Variants in PRRC1 observed in about 807,000 individuals in gnomAD.
PRRC1 encodes the protein protein PRRC1.
In PRRC1, 39 loss-of-function variants were observed where a neutral mutation model predicts 40.7. The ratio of observed to expected loss-of-function variants is 0.96; its 90% CI spans 0.74 to 1.25. The LOEUF (loss-of-function observed/expected upper bound fraction) is 1.25. Among genes scored for constraint, PRRC1 ranks in the 50% most tolerant of loss-of-function variants. The pLI is 0.00. For missense variants in PRRC1, 573 were observed against 548.3 expected (o/e 1.05, Z -0.45); for synonymous variants, 175 against 193.3 (o/e 0.91, Z 0.79).
chr5:127,523,097 A>G (rs937310609), intron 1 of PRRC1, among the ~76,000 whole-genome samples: 2 of 152,156 alleles, frequency 1.3e-5, no homozygotes, highest in African/African-American at 4.8e-5. Context: ...TAGGCATGGG[A>G]CACCACACCT....
At position 127,552,026 on chromosome 5, in the gene PRRC1, T is replaced by C. The variant is rs1768404912; in HGVS notation, c.*110T>C. On this transcript the variant is annotated 3_prime_UTR_variant, in exon 9 of 9. Transcript: ENST00000296666. ...GTCTAAATGAATCCAGTAGTTTTTA[T>C]CATTTTCCTGTAGCCTGCAATTTTT... is the stretch of plus-strand genomic sequence containing the variant. 1 of 1,489,132 alleles carries C rather than the reference T, an allele frequency of 6.7e-7. No homozygotes were observed. Among genetic ancestry groups the C allele is most frequent in the Non-Finnish European group, 9.0e-7 (1 of 1,117,086 alleles). The allele number at this position is 1,489,132 out of a possible 1,614,324, so 92.2% of individuals were successfully genotyped here.
rs1187229183 is a variant in PRRC1, at chr5:127,524,782, ACT to A, written c.358_359del (p.Leu120PhefsTer20). 3 of 1,612,904 alleles carry A rather than the reference ACT, an allele frequency of 1.9e-6. No individual in the cohort carries two copies. Among genetic ancestry groups the A allele is most frequent in the Admixed American group, 1.7e-5 (1 of 59,932 alleles). ...HFPPSTSAPN[T>X]LLPAPPSGPP... ...CCCACCTTCAACTTCTGCCCCAAAC[ACT>A]CTTTTACCTGCACCCCCTTCGGGTC... On this transcript the variant is annotated frameshift_variant, in exon 3 of 9. Coordinates refer to ENST00000296666, the MANE Select transcript of PRRC1 (RefSeq NM_130809.5). LOFTEE classifies it high-confidence loss of function.
Position 127,551,967 on chromosome 5 carries a change from T to A in PRRC1, c.*51T>A. The A allele has an allele frequency of 6.2e-7, 1 of 1,609,608 alleles. No individual in the cohort carries two copies. Among genetic ancestry groups the A allele is most frequent in the Non-Finnish European group, 8.5e-7 (1 of 1,177,436 alleles). On this transcript the variant is annotated 3_prime_UTR_variant, in exon 9 of 9. Coordinates refer to ENST00000296666, the MANE Select transcript of PRRC1 (RefSeq NM_130809.5). ...ACTTTCCCCCACTTTTAGCTTGATG[T>A]TAAAGAAGTGGTTGTACCTTCCTAA...
intron 5 of PRRC1, among the ~76,000 whole-genome samples, chr5:127,531,653 C>T (rs1280277418): frequency 4.7e-5 from 5 of 106,162 alleles, no homozygotes; most frequent in Admixed American, 1.2e-4. Flanking sequence ...GACAGAGTCT[C>T]ACTCTGTCAC....
chr5:127,552,216 A>AG lies in PRRC1; in HGVS notation c.*301dup, dbSNP rs2127121949. ...TTATAAGGTGGAAATTCATGTGCAG[A>AG]GACATTTAACTTAATGCCATGTACT... On this transcript the variant is annotated 3_prime_UTR_variant, in exon 9 of 9. Coordinates refer to ENST00000296666, the MANE Select transcript of PRRC1 (RefSeq NM_130809.5). 1 of 1,125,584 alleles carries AG rather than the reference A, an allele frequency of 8.9e-7. No individual in the cohort carries two copies. The highest frequency in any genetic ancestry group is 5.6e-5 in the East Asian group (1 of 17,770). The allele number at this position is 1,125,584 out of a possible 1,614,324, so 69.7% of individuals were successfully genotyped here. A position where few individuals can be genotyped will look rare whatever the true frequency, so the allele number is the denominator to read the frequency against.
chr5:127,526,231 G>C (rs1292283211), intron 3 of PRRC1, among the ~76,000 whole-genome samples: 2 of 152,096 alleles, frequency 1.3e-5, no homozygotes, highest in Non-Finnish European at 2.9e-5. Flanking sequence ...TTTTCTTTCT[G>C]AGTTAACATG....
intron 3 of PRRC1, 139 bp downstream of exon 3, chr5:127,525,059 A>G: frequency 2.2e-6 from 2 of 916,026 alleles, no homozygotes; most frequent in African/African-American, 1.7e-5. Context: ...TAGTTAGTTT[A>G]CATCAGAATT....
intron 5 of PRRC1, among the ~76,000 whole-genome samples, chr5:127,530,998 C>T (rs1472915125): frequency 6.6e-6 from 1 of 152,012 alleles, no homozygotes; most frequent in Non-Finnish European, 1.5e-5. Context: ...GCTTAGTGAC[C>T]AATTATTAGT....
Position 127,552,314 on chromosome 5 carries a change from CT to C in PRRC1, c.*401del. ...TGAATGTTTATAAAAGCATGATTTG[CT>C]TTGGCTTCATCTCTTTTCTGTCAGT... On this transcript the variant is annotated 3_prime_UTR_variant, in exon 9 of 9. Coordinates refer to ENST00000296666, the MANE Select transcript of PRRC1 (RefSeq NM_130809.5). 1 of 1,027,804 alleles carries C rather than the reference CT, an allele frequency of 9.7e-7. No homozygotes were observed. Among genetic ancestry groups the C allele is most frequent in the Non-Finnish European group, 1.2e-6 (1 of 854,660 alleles). 63.7% of individuals were successfully genotyped at this position (1,027,804 alleles called of 1,614,324 possible).
intron 4 of PRRC1, among the ~76,000 whole-genome samples, chr5:127,528,002 T>TA (rs1767669353): frequency 6.6e-6 from 1 of 152,158 alleles, no homozygotes; most frequent in Non-Finnish European, 1.5e-5. Context: ...CAAAAAATAA[T>TA]ACCACATTTT....
At chr5:127,540,189 T>C (rs150107088) in intron 7 of PRRC1, among the ~76,000 whole-genome samples, 370 of 152,254 alleles carry the variant, frequency 2.4e-3, no homozygotes, top group African/African-American at 8.5e-3. Flanking sequence ...TTCAACTTTC[T>C]ATGTAAGCAC....
In PRRC1 at chr5:127,545,570, G is replaced by A. The variant is rs558695836; in HGVS notation, c.1026-2249G>A. Among the ~76,000 whole-genome samples the A allele has an allele frequency of 1.8e-4, 26 of 148,298 alleles. No individual in the cohort carries two copies. In the South Asian group the frequency reaches 5.6e-3, roughly 32 times the overall value. ...CAAACATCACATGTTCTCACTCATAGGTGGGAATTGAACAATGAGAACACA... is the reference window on the plus strand; with the variant it reads ...CAAACATCACATGTTCTCACTCATAAGTGGGAATTGAACAATGAGAACACA... On this transcript the variant is annotated intron_variant, in intron 7 of 8. Coordinates refer to ENST00000296666, the MANE Select transcript of PRRC1 (RefSeq NM_130809.5).
intron 7 of PRRC1, among the ~76,000 whole-genome samples, chr5:127,545,597 G>A (rs1768194525): frequency 6.9e-6 from 1 of 144,514 alleles, no homozygotes. Context: ...GAGAACACAT[G>A]GACACAGGAA....
At chr5:127,541,058 A>G (rs193130266) in intron 7 of PRRC1, among the ~76,000 whole-genome samples, 80 of 152,212 alleles carry the variant, frequency 5.3e-4, no homozygotes, top group African/African-American at 1.7e-3. Context: ...TCAGTACCTA[A>G]TTTATTGAAA....
chr5:127,544,373 C>A (rs1248855438), intron 7 of PRRC1, among the ~76,000 whole-genome samples: 2 of 152,318 alleles, frequency 1.3e-5, no homozygotes, highest in Admixed American at 1.3e-4. Context: ...CTCAGATCTC[C>A]AGCTGCGTGC....
At chr5:127,519,218 T>C (rs1223002712) in intron 1 of PRRC1, among the ~76,000 whole-genome samples, 2 of 152,170 alleles carry the variant, frequency 1.3e-5, no homozygotes, top group African/African-American at 2.4e-5. Context: ...GGAGCTTTGG[T>C]TGAGGAGTGG....
intron 7 of PRRC1, among the ~76,000 whole-genome samples, chr5:127,539,780 T>C (rs1291643607): frequency 1.3e-5 from 2 of 152,132 alleles, no homozygotes; most frequent in Non-Finnish European, 2.9e-5. Flanking sequence ...TGGCTTGTAA[T>C]ATGCAAAATA....
chr5:127,537,689 G>A (rs955514944), intron 6 of PRRC1, among the ~76,000 whole-genome samples: 4 of 151,926 alleles, frequency 2.6e-5, no homozygotes, highest in Non-Finnish European at 5.9e-5. Flanking sequence ...CACCTGCAAA[G>A]AGTTAGGGGA....
At chr5:127,530,054 C>G (rs1216109469) in intron 4 of PRRC1, among the ~76,000 whole-genome samples, 1 of 152,052 alleles carries the variant, frequency 6.6e-6, no homozygotes, top group Non-Finnish European at 1.5e-5. Context: ...CATACCCATG[C>G]TACTCAAAGC....
Sources: allele counts gnomAD v4.1 joint callset (sites outside exome capture counted in the v4.1 genomes callset), GRCh38; gene constraint gnomAD v4.1.1; transcripts MANE v1.5; gene names NCBI Gene and HGNC (gene_info 2026-07-23, HGNC 2026-07-21).